The following CERS6 variants were observed in gnomAD, a reference collection of about 807,000 sequenced individuals.
CERS6 encodes LAG1 homolog, ceramide synthase 6.
CERS6 carries 26 observed loss-of-function variants against 56.8 expected under a neutral mutation model. That is an observed-to-expected ratio of 0.46 (90% CI 0.34 to 0.63). The LOEUF is 0.63. CERS6 is among the 30% of genes least tolerant of loss of function. The pLI is 0.01. For missense variants in CERS6, 415 were observed against 467.5 expected (o/e 0.89, Z 1.04); for synonymous variants, 164 against 173.3 (o/e 0.95, Z 0.42).
At chr2:168,694,065 G>A (rs1686575593) in intron 5 of CERS6, among the ~76,000 whole-genome samples, 3 of 152,062 alleles carry the variant, frequency 2.0e-5, no homozygotes, top group South Asian at 2.1e-4. Context: ...GTGTATAGGG[G>A]TATGGACTTG....
rs142944229 is a variant in CERS6, at chr2:168,695,003, G to A, written c.561G>A (p.Ser187=). 117 of 1,613,322 alleles carry A rather than the reference G, an allele frequency of 7.3e-5. 1 individual carries two copies. The highest frequency in any genetic ancestry group is 2.9e-4 in the African/African-American group (22 of 74,790). Residue 187 remains serine (S), a synonymous_variant, in exon 6 of 10, where the codon TCG becomes TCA. Coordinates refer to ENST00000305747, the MANE Select transcript of CERS6 (RefSeq NM_203463.3). ...DLHYYYILEL[S]FYWSLMFSQF... ...ACTACTATTACATCCTGGAGCTGTC[G>A]TTTTATTGGTCTTTGATGTTTTCTC...
rs564758935 is a variant in CERS6, at chr2:168,722,538, A to G, written c.845+4560A>G. On this transcript the variant is annotated intron_variant, in intron 8 of 9. Coordinates refer to ENST00000305747, the MANE Select transcript of CERS6 (RefSeq NM_203463.3). ...TCCCCACACCATTTCTCGATTGGCT[A>G]TTGCTTTTATTATGATCATCTTCAG... Among the ~76,000 whole-genome samples the G allele has an allele frequency of 7.2e-5, 11 of 152,222 alleles. No individual in the cohort carries two copies. In the South Asian group the frequency reaches 1.0e-3, roughly 14 times the overall value.
intron 6 of CERS6, among the ~76,000 whole-genome samples, chr2:168,713,768 C>T (rs1171241595): frequency 6.6e-6 from 1 of 152,032 alleles, no homozygotes; most frequent in Non-Finnish European, 1.5e-5. Flanking sequence ...CTGAATCTAA[C>T]ATAAAACAAT....
intron 1 of CERS6, among the ~76,000 whole-genome samples, chr2:168,463,867 C>T (rs1342967647): frequency 6.6e-6 from 1 of 152,132 alleles, no homozygotes; most frequent in Non-Finnish European, 1.5e-5. Flanking sequence ...TGAGATCACG[C>T]CACTGCACTC....
intron 1 of CERS6, among the ~76,000 whole-genome samples, chr2:168,510,364 A>G (rs1694757383): frequency 6.6e-6 from 1 of 152,232 alleles, no homozygotes; most frequent in Admixed American, 6.5e-5. Context: ...TTTATGTTTT[A>G]TAAACAGATA....
intron 4 of CERS6, among the ~76,000 whole-genome samples, chr2:168,643,861 G>A (rs930902009): frequency 1.3e-5 from 2 of 152,108 alleles, no homozygotes; most frequent in Non-Finnish European, 2.9e-5. Flanking sequence ...AATCACATCT[G>A]CAGTTTCTTT....
At chr2:168,460,935 A>T (rs1156632394) in intron 1 of CERS6, among the ~76,000 whole-genome samples, 2 of 152,134 alleles carry the variant, frequency 1.3e-5, no homozygotes, top group East Asian at 3.9e-4. Context: ...TTTTAGATTT[A>T]TTGTCCACTA....
intron 3 of CERS6, among the ~76,000 whole-genome samples, chr2:168,597,268 T>A (rs1002808894): frequency 1.3e-5 from 2 of 152,202 alleles, no homozygotes; most frequent in Non-Finnish European, 2.9e-5. Context: ...ATAAATTGCA[T>A]GCTTGTAAAA....
intron 9 of CERS6, among the ~76,000 whole-genome samples, chr2:168,765,979 T>G (rs1251453851): frequency 2.0e-5 from 3 of 152,202 alleles, no homozygotes; most frequent in Non-Finnish European, 4.4e-5. Context: ...AATAATATAT[T>G]ATTTGTTGTG....
chr2:168,466,081 G>A (rs1693868746), intron 1 of CERS6, among the ~76,000 whole-genome samples: 1 of 144,872 alleles, frequency 6.9e-6, no homozygotes, highest in Non-Finnish European at 1.5e-5. Flanking sequence ...GAATCGTCTG[G>A]CATAGGTGGG....
At chr2:168,457,338 A>G (rs1028525181) in intron 1 of CERS6, among the ~76,000 whole-genome samples, 3 of 152,120 alleles carry the variant, frequency 2.0e-5, no homozygotes, top group Non-Finnish European at 4.4e-5. Flanking sequence ...ATAATCATAA[A>G]CTTCTTTTTT....
At chr2:168,671,235 G>T (rs887956659) in intron 4 of CERS6, among the ~76,000 whole-genome samples, 1 of 151,978 alleles carries the variant, frequency 6.6e-6, no homozygotes, top group Non-Finnish European at 1.5e-5. Flanking sequence ...AAAATGCTAG[G>T]ATTACAGACA....
intron 1 of CERS6, among the ~76,000 whole-genome samples, chr2:168,509,825 C>T (rs193291181): frequency 3.3e-4 from 50 of 152,226 alleles, no homozygotes; most frequent in African/African-American, 8.4e-4. Context: ...CTGTGGGAGG[C>T]TGAGGCAGGA....
At chr2:168,609,098 T>C (rs1209890048) in intron 3 of CERS6, among the ~76,000 whole-genome samples, 1 of 152,208 alleles carries the variant, frequency 6.6e-6, no homozygotes, top group Non-Finnish European at 1.5e-5. Flanking sequence ...GGTGCATCTG[T>C]CAAAGGTGAC....
chr2:168,502,965 G>C (rs1460923445), intron 1 of CERS6, among the ~76,000 whole-genome samples: 1 of 152,212 alleles, frequency 6.6e-6, no homozygotes, highest in African/African-American at 2.4e-5. Flanking sequence ...GTTTGGCTCT[G>C]TGTCCCCACC....
chr2:168,498,290 C>T lies in CERS6; in HGVS notation c.170+41672C>T, dbSNP rs540938379. ...CATCCTAATGCTGGATTTTTATTCT[C>T]TTTCTCCTGAATCCTGGCCTTTTGG... On this transcript the variant is annotated intron_variant, in intron 1 of 9. Coordinates refer to ENST00000305747, the MANE Select transcript of CERS6 (RefSeq NM_203463.3). Among the ~76,000 whole-genome samples the T allele has an allele frequency of 1.4e-3, 209 of 152,282 alleles. 1 individual carries two copies. In the South Asian group the frequency reaches 0.017, roughly 12 times the overall value.
chr2:168,494,690 T>C (rs1473011517), intron 1 of CERS6, among the ~76,000 whole-genome samples: 2 of 152,026 alleles, frequency 1.3e-5, no homozygotes, highest in African/African-American at 2.4e-5. Flanking sequence ...ATAGAGTTGA[T>C]TGAGGGGACT....
intron 4 of CERS6, among the ~76,000 whole-genome samples, chr2:168,631,929 C>T (rs1005040145): frequency 9.0e-5 from 13 of 143,968 alleles, no homozygotes; most frequent in Admixed American, 2.2e-4. Flanking sequence ...CTCTCTCTCT[C>T]GCCTAGTTAC....
intron 4 of CERS6, among the ~76,000 whole-genome samples, chr2:168,683,250 G>C (rs567575215): frequency 9.1e-4 from 138 of 152,202 alleles, no homozygotes; most frequent in African/African-American, 3.1e-3. Flanking sequence ...TGGTTTTCCT[G>C]TAAGTATATA....
Sources: gnomAD v4.1 joint callset for allele counts (sites outside exome capture counted in the v4.1 genomes callset) on GRCh38, gnomAD v4.1.1 for gene constraint, MANE v1.5 for transcripts, NCBI Gene and HGNC (gene_info 2026-07-23, HGNC 2026-07-21) for gene names.